The following GLYATL2 variants were observed in gnomAD, a reference collection of about 807,000 sequenced individuals.
GLYATL2 encodes the protein glycine N-acyltransferase-like protein 2.
Under a neutral mutation model 21.4 loss-of-function variants are expected in GLYATL2, and 25 were observed. That is an observed-to-expected ratio of 1.17 (90% confidence interval 0.85 to 1.63). The LOEUF is 1.63. Among genes scored for constraint, GLYATL2 ranks in the 40% most tolerant of loss-of-function variants. The pLI is 0.00. For missense variants in GLYATL2, 361 were observed against 343.3 expected (o/e 1.05, Z -0.41); for synonymous variants, 114 against 118.2 (o/e 0.96, Z 0.23).
At chr11:58,905,186 C>T (rs1211002735), upstream of GLYATL2, among the ~76,000 whole-genome samples, 2 of 152,260 alleles carry the variant, frequency 1.3e-5, no homozygotes, top group East Asian at 3.9e-4. Flanking sequence ...CAGGCCTAAG[C>T]AGTGCTGGCC....
At chr11:58,870,796 C>A (rs1040362082) in intron 1 of GLYATL2, among the ~76,000 whole-genome samples, 56 of 152,192 alleles carry the variant, frequency 3.7e-4, no homozygotes, top group African/African-American at 1.0e-3. Flanking sequence ...AGCAAACCTG[C>A]CCTCTGCTTC....
chr11:58,838,242 C>T lies in GLYATL2; in HGVS notation c.186+19G>A, dbSNP rs866153786. Reference sequence around the variant, plus strand: ...TCTGGAGAGTGACTACCCTCATATTCAGTAACTATTGCTCCTACCTGTTTC... The same window carrying T: ...TCTGGAGAGTGACTACCCTCATATTTAGTAACTATTGCTCCTACCTGTTTC... On this transcript the variant is annotated intron_variant, in intron 3 of 5. Transcript: ENST00000287275. 1 of 1,511,908 alleles carries T rather than the reference C, an allele frequency of 6.6e-7. No individual in the cohort carries two copies. Among genetic ancestry groups the T allele is most frequent in the African/African-American group, 1.4e-5 (1 of 72,954 alleles). 93.7% of individuals were successfully genotyped at this position (1,511,908 alleles called of 1,614,324 possible).
chr11:58,904,944 CCTT>C (rs1373706183), upstream of GLYATL2, among the ~76,000 whole-genome samples: 1 of 152,202 alleles, frequency 6.6e-6, no homozygotes, highest in East Asian at 1.9e-4. Flanking sequence ...GAAGGCATCT[CCTT>C]CTATTCATGT....
chr11:58,849,991 AG>A (rs1853711244), intron 1 of GLYATL2, among the ~76,000 whole-genome samples: 1 of 152,330 alleles, frequency 6.6e-6, no homozygotes, highest in East Asian at 1.9e-4. Context: ...AAAATAGAGA[AG>A]GGAATACTTC....
At chr11:58,880,821 T>C (rs1854320131) in intron 1 of GLYATL2, among the ~76,000 whole-genome samples, 1 of 152,214 alleles carries the variant, frequency 6.6e-6, no homozygotes, top group South Asian at 2.1e-4. Context: ...TAAACATTGC[T>C]TCACCTAGCT....
chr11:58,897,300 A>C lies in GLYATL2; in HGVS notation n.60+6856T>G, dbSNP rs908334237. On this transcript the variant is annotated intron_variant and non_coding_transcript_variant, in intron 1 of 4. Transcript: ENST00000533636. Reference sequence around the variant, plus strand: ...AAGGAAAAAATTGGGGACAGTCCAAAAGAAACTCTTATAAATCAAGCCTTG... The same window carrying C: ...AAGGAAAAAATTGGGGACAGTCCAACAGAAACTCTTATAAATCAAGCCTTG... 3.3e-5 allele frequency among the ~76,000 whole-genome samples: 5 copies of C among 152,202 alleles called. No individual in the cohort carries two copies. In the East Asian group the frequency reaches 9.6e-4, roughly 29 times the overall value.
intron 1 of GLYATL2, among the ~76,000 whole-genome samples, chr11:58,859,370 T>C (rs1369726416): frequency 6.6e-6 from 1 of 151,926 alleles, no homozygotes; most frequent in Non-Finnish European, 1.5e-5. Flanking sequence ...ATGGGTGTGA[T>C]AGAGTTTTTA....
At chr11:58,863,618 C>T (rs1041182095) in intron 1 of GLYATL2, among the ~76,000 whole-genome samples, 1 of 152,100 alleles carries the variant, frequency 6.6e-6, no homozygotes, top group African/African-American at 2.4e-5. Context: ...CAGTCTAGAG[C>T]CTGAGACCAT....
chr11:58,899,780 G>A (rs1489878196), intron 1 of GLYATL2, among the ~76,000 whole-genome samples: 2 of 152,056 alleles, frequency 1.3e-5, no homozygotes, highest in African/African-American at 2.4e-5. Flanking sequence ...GAAATTAAGT[G>A]TGCCTAATAT....
At chr11:58,903,896 T>C (rs969016323) in intron 1 of GLYATL2, among the ~76,000 whole-genome samples, 2 of 152,174 alleles carry the variant, frequency 1.3e-5, no homozygotes, top group Admixed American at 1.3e-4. Context: ...AGTGGATTAG[T>C]ATCTCCAAGT....
intron 1 of GLYATL2, among the ~76,000 whole-genome samples, chr11:58,867,608 G>A (rs1164395673): frequency 6.7e-6 from 1 of 148,796 alleles, no homozygotes; most frequent in Non-Finnish European, 1.5e-5. Flanking sequence ...AAGCTGATTA[G>A]CATAATCTCA....
intron 1 of GLYATL2, among the ~76,000 whole-genome samples, chr11:58,899,577 G>T (rs896655635): frequency 1.3e-5 from 2 of 151,972 alleles, no homozygotes; most frequent in African/African-American, 4.8e-5. Context: ...ACAGGAAGGG[G>T]TTAGGACGGG....
intron 1 of GLYATL2, among the ~76,000 whole-genome samples, chr11:58,901,193 G>C (rs2134630155): frequency 6.6e-6 from 1 of 152,324 alleles, no homozygotes; most frequent in Non-Finnish European, 1.5e-5. Flanking sequence ...GACAGGCGGG[G>C]CGGTTGACCA....
intron 1 of GLYATL2, among the ~76,000 whole-genome samples, chr11:58,903,252 G>T (rs1363454186): frequency 6.6e-6 from 1 of 152,156 alleles, no homozygotes; most frequent in East Asian, 1.9e-4. Flanking sequence ...TGGTTCAAGG[G>T]GAGGTAAAAT....
At chr11:58,900,375 TAGAA>T (rs1287841792) in intron 1 of GLYATL2, among the ~76,000 whole-genome samples, 10 of 152,170 alleles carry the variant, frequency 6.6e-5, no homozygotes, top group African/African-American at 7.2e-5. Context: ...AATGATTAAA[TAGAA>T]AGACGATTGC....
chr11:58,856,659 G>C (rs1394649964), intron 1 of GLYATL2, among the ~76,000 whole-genome samples: 1 of 152,188 alleles, frequency 6.6e-6, no homozygotes, highest in African/African-American at 2.4e-5. Context: ...AGAGGAGAGG[G>C]AGAGAGTCTG....
At position 58,889,320 on chromosome 11, in the gene GLYATL2, G is replaced by A. The variant is rs186773418; in HGVS notation, n.60+14836C>T. Among the ~76,000 whole-genome samples, 23 of 151,914 alleles carry A rather than the reference G, an allele frequency of 1.5e-4. No individual in the cohort carries two copies. In the East Asian group the frequency reaches 3.9e-3, roughly 25 times the overall value. ...AAAGTCTCTTGGATTTTCTAAACAC[G>A]TAATACTGTACTCTGCAAACAAAGT... On this transcript the variant is annotated intron_variant and non_coding_transcript_variant, in intron 1 of 4. Coordinates refer to the GLYATL2 transcript ENST00000533636.
At chr11:58,886,953 C>CT (rs1259810939) in intron 1 of GLYATL2, among the ~76,000 whole-genome samples, 2 of 152,182 alleles carry the variant, frequency 1.3e-5, no homozygotes, top group African/African-American at 4.8e-5. Flanking sequence ...AACACCTTCC[C>CT]TAGGGATGTT....
At chr11:58,872,218 C>A (rs1251208128) in intron 1 of GLYATL2, among the ~76,000 whole-genome samples, 2 of 152,140 alleles carry the variant, frequency 1.3e-5, no homozygotes, top group African/African-American at 2.4e-5. Flanking sequence ...CGAAAATTTT[C>A]TCCCATTCTG....
Sources: allele counts gnomAD v4.1 joint callset (sites outside exome capture counted in the v4.1 genomes callset), GRCh38; gene constraint gnomAD v4.1.1; transcripts MANE v1.5; gene names NCBI Gene and HGNC (gene_info 2026-07-23, HGNC 2026-07-21).